The following CREB1 variants were observed in gnomAD, a reference collection of about 807,000 sequenced individuals.
CREB1 encodes the protein cyclic AMP-responsive element-binding protein 1.
Under a neutral mutation model 42.0 loss-of-function variants are expected in CREB1, and 2 were observed. The ratio of observed to expected loss-of-function variants is 0.05; its 90% CI spans 0.02 to 0.15. The LOEUF (loss-of-function observed/expected upper bound fraction) is 0.15. Ranked by LOEUF, CREB1 falls within the 10% of genes least tolerant of loss-of-function variation. The pLI, the probability that CREB1 is intolerant of heterozygous loss-of-function variation, is 1.00. For synonymous variants in CREB1, 123 were observed against 139.9 expected (o/e 0.88, Z 0.85); for missense variants, 199 against 388.9 (o/e 0.51, Z 4.11).
chr2:207,563,691 C>A (rs535948781), intron 3 of CREB1, among the ~76,000 whole-genome samples: 1 of 152,272 alleles, frequency 6.6e-6, no homozygotes, highest in South Asian at 2.1e-4. Context: ...TTCCTGTAAT[C>A]CCAGCACTTT....
At chr2:207,562,374 G>A (rs2081987464) in intron 3 of CREB1, among the ~76,000 whole-genome samples, 1 of 152,062 alleles carries the variant, frequency 6.6e-6, no homozygotes, top group African/African-American at 2.4e-5. Flanking sequence ...GTTTTTTATT[G>A]TAATATGTGT....
Position 207,602,789 on chromosome 2 carries a change from G to T in CREB1, c.*5731G>T, listed in dbSNP as rs533029090. ...GGAAATAATTGTCAACATTTTTTTT[G>T]AGTATAGATTTATTAGGGGTGGCAA... On this transcript the variant is annotated 3_prime_UTR_variant, in exon 8 of 8. Coordinates refer to ENST00000353267, the MANE Select transcript of CREB1 (RefSeq NM_004379.5). 366 of 215,022 alleles carry T rather than the reference G, an allele frequency of 1.7e-3. 3 individuals are homozygous for T. The highest frequency in any genetic ancestry group is 7.3e-3 in the African/African-American group (324 of 44,380). The allele number at this position is 215,022 out of a possible 1,614,324, so 13.3% of individuals were successfully genotyped here. A position where few individuals can be genotyped will look rare whatever the true frequency, so the allele number is the denominator to read the frequency against.
At chr2:207,570,056 A>AC (rs2082299315) in intron 4 of CREB1, 123 bp from the exon 5 acceptor site, 105 of 663,400 alleles carry the variant, frequency 1.6e-4, no homozygotes, top group Non-Finnish European at 2.2e-4. Flanking sequence ...AAAAAAAAAA[A>AC]AAAAAACCTT....
intron 1 of CREB1, among the ~76,000 whole-genome samples, chr2:207,542,832 A>G (rs2081149335): frequency 1.3e-5 from 2 of 152,356 alleles, no homozygotes; most frequent in African/African-American, 4.8e-5. Flanking sequence ...ACTAATGTGT[A>G]TTTGGAGTTA....
At chr2:207,551,080 T>C (rs550511156) in intron 1 of CREB1, among the ~76,000 whole-genome samples, 4 of 152,362 alleles carry the variant, frequency 2.6e-5, no homozygotes, top group South Asian at 4.1e-4. Flanking sequence ...AACCCTTTGC[T>C]GATACCATTT....
In CREB1 at chr2:207,577,249, A is replaced by G. The variant is rs2082631127; in HGVS notation, c.689-256A>G. 9.0e-5 allele frequency: 97 copies of G among 1,076,778 alleles called. 2 individuals are homozygous for G. The South Asian group carries it at 1.8e-3, about 19-fold the overall frequency. 66.7% of individuals were successfully genotyped at this position (1,076,778 alleles called of 1,614,324 possible). ...GGTTGGTAAGCATGTTAACAACAGA[A>G]TAGAACTGCATTCAAATGAAAAATA... On this transcript the variant is annotated intron_variant, in intron 6 of 7. Transcript: ENST00000353267.
intron 7 of CREB1, among the ~76,000 whole-genome samples, chr2:207,585,761 T>C (rs1393528135): frequency 1.3e-5 from 2 of 152,140 alleles, no homozygotes; most frequent in African/African-American, 2.4e-5. Flanking sequence ...CTGAAGAATT[T>C]AATAAATAAA....
Position 207,598,486 on chromosome 2 carries a change from TAAAAAAA to T in CREB1, c.*1438_*1444del, listed in dbSNP as rs143222694. Reference sequence around the variant, plus strand: ...GCTCGATAAATCTAACAGTTACTCTTAAAAAAAAAAAAAAAAGACTAAGGTGGATTTT... The same window carrying T: ...GCTCGATAAATCTAACAGTTACTCTTAAAAAAAAAGACTAAGGTGGATTTT... On this transcript the variant is annotated 3_prime_UTR_variant, in exon 8 of 8. Coordinates refer to ENST00000353267, the MANE Select transcript of CREB1 (RefSeq NM_004379.5). The T allele has an allele frequency of 1.3e-3, 223 of 169,120 alleles. 1 individual carries two copies. Among genetic ancestry groups the T allele is most frequent in the African/African-American group, 4.9e-3 (202 of 40,834 alleles). 10.5% of individuals were successfully genotyped at this position (169,120 alleles called of 1,614,324 possible).
intron 5 of CREB1, among the ~76,000 whole-genome samples, chr2:207,570,725 T>C (rs1431473413): frequency 2.0e-5 from 3 of 152,192 alleles, no homozygotes; most frequent in African/African-American, 7.2e-5. Flanking sequence ...CTTCTGAAAG[T>C]AGCATTTTAA....
chr2:207,564,886 T>A (rs2082083926), intron 3 of CREB1, among the ~76,000 whole-genome samples: 1 of 152,200 alleles, frequency 6.6e-6, no homozygotes, highest in South Asian at 2.1e-4. Flanking sequence ...GAGATGAGAA[T>A]AAAAGGAAGG....
chr2:207,545,694 A>G (rs1372730530), intron 1 of CREB1, among the ~76,000 whole-genome samples: 1 of 151,226 alleles, frequency 6.6e-6, no homozygotes, highest in Non-Finnish European at 1.5e-5. Context: ...GTTAAGAACA[A>G]TTTCTCTTTA....
intron 1 of CREB1, among the ~76,000 whole-genome samples, chr2:207,540,482 A>T (rs967518810): frequency 6.6e-6 from 1 of 152,000 alleles, no homozygotes; most frequent in Non-Finnish European, 1.5e-5. Context: ...TCTACAGAGA[A>T]TACAAAAATT....
At chr2:207,542,361 C>T (rs1259877598) in intron 1 of CREB1, among the ~76,000 whole-genome samples, 2 of 152,010 alleles carry the variant, frequency 1.3e-5, no homozygotes, top group Non-Finnish European at 2.9e-5. Context: ...CAATTATAGC[C>T]ATTCTACTGA....
intron 1 of CREB1, chr2:207,550,675 T>G (rs2081470716): frequency 1.3e-5 from 2 of 152,322 alleles, no homozygotes; most frequent in South Asian, 2.1e-4. Flanking sequence ...AGCTTTAATT[T>G]GTAATTTGAT....
chr2:207,568,432 T>C (rs1270541591), intron 4 of CREB1, among the ~76,000 whole-genome samples: 2 of 152,146 alleles, frequency 1.3e-5, no homozygotes, highest in Non-Finnish European at 2.9e-5. Flanking sequence ...CTTTGAAGTA[T>C]ATCTCCTGTT....
intron 3 of CREB1, among the ~76,000 whole-genome samples, chr2:207,565,652 G>T (rs531789609): frequency 8.6e-4 from 131 of 152,224 alleles, no homozygotes; most frequent in African/African-American, 2.7e-3. Flanking sequence ...TGGAAGGGGG[G>T]TGTTCCCTAA....
chr2:207,549,969 CAAAA>C (rs879282723), intron 1 of CREB1, among the ~76,000 whole-genome samples: 1 of 112,474 alleles, frequency 8.9e-6, no homozygotes, highest in Admixed American at 9.4e-5. Flanking sequence ...GACTCCATCT[CAAAA>C]AAAAAAAAAA....
chr2:207,541,741 G>C (rs138121303), intron 1 of CREB1, among the ~76,000 whole-genome samples: 1 of 152,144 alleles, frequency 6.6e-6, no homozygotes, highest in Non-Finnish European at 1.5e-5. Context: ...GTACAGTTCA[G>C]TGGTTTTCAG....
intron 7 of CREB1, among the ~76,000 whole-genome samples, chr2:207,594,125 A>G (rs1259066943): frequency 6.6e-6 from 1 of 152,244 alleles, no homozygotes; most frequent in Non-Finnish European, 1.5e-5. Context: ...ACACAGAGCT[A>G]AAAAAGAATT....
Sources: allele counts gnomAD v4.1 joint callset (sites outside exome capture counted in the v4.1 genomes callset), GRCh38; gene constraint gnomAD v4.1.1; transcripts MANE v1.5; gene names NCBI Gene and HGNC (gene_info 2026-07-23, HGNC 2026-07-21).